The following ARHGAP22 variants were observed in gnomAD, a reference collection of about 807,000 sequenced individuals.
ARHGAP22 encodes rho GTPase-activating protein 22.
In ARHGAP22, 48 loss-of-function variants were observed where a neutral mutation model predicts 59.1. The observed-to-expected ratio is 0.81, with a 90% CI of 0.64 to 1.03. The LOEUF is 1.03. ARHGAP22 is among the 50% of genes least tolerant of loss of function. The pLI is 0.00. For missense variants in ARHGAP22, 1,015 were observed against 958.7 expected, an observed-to-expected ratio of 1.06 and a Z score of -0.78; for synonymous variants, 445 against 416.4, an observed-to-expected ratio of 1.07 and a Z score of -0.84.
At chr10:48,474,675 G>A (rs371551123) in intron 4 of ARHGAP22, among the ~76,000 whole-genome samples, 1 of 119,834 alleles carries the variant, frequency 8.3e-6, no homozygotes, top group Non-Finnish European at 1.8e-5. Flanking sequence ...TCATTAAAGG[G>A]TGCTGGATTT....
chr10:48,450,735 A>C lies in ARHGAP22; in HGVS notation c.1394T>G (p.Leu465Arg), dbSNP rs368691662. The change falls in exon 9 of 10, where the codon CTG becomes CGG. Residue 465 changes from leucine (L) to arginine (R), a missense_variant. Coordinates refer to ENST00000249601, the MANE Select transcript of ARHGAP22 (RefSeq NM_021226.4). ...CCGGCGGTGTCCGCGCAGGGAGGAC[A>C]GCCCGTTCATAAGCCAGTTCCCGCC... ...SSGGNWLMNG[L>R]SSLRGHRRAS... 1 of 1,558,942 alleles carries C rather than the reference A, an allele frequency of 6.4e-7. No individual in the cohort carries two copies. The highest frequency in any genetic ancestry group is 1.4e-5 in the African/African-American group (1 of 73,684).
At chr10:48,454,293 C>T in intron 6 of ARHGAP22, 132 bp from the exon 7 acceptor site, 2 of 754,392 alleles carry the variant, frequency 2.7e-6, no homozygotes, top group Admixed American at 2.0e-5. Flanking sequence ...CCAGAGGGCT[C>T]CACCACCTCC....
chr10:48,606,605 G>T (rs547166374), upstream of ARHGAP22, among the ~76,000 whole-genome samples: 1 of 152,294 alleles, frequency 6.6e-6, no homozygotes, highest in African/African-American at 2.4e-5. Context: ...GTGTGCCCCA[G>T]TGACTTTGCA....
intron 3 of ARHGAP22, among the ~76,000 whole-genome samples, chr10:48,504,767 T>G (rs955160756): frequency 6.6e-6 from 1 of 151,886 alleles, no homozygotes; most frequent in Non-Finnish European, 1.5e-5. Context: ...AAGCAGAGGC[T>G]GGGGCCACAT....
intron 3 of ARHGAP22, among the ~76,000 whole-genome samples, chr10:48,508,944 G>C (rs2052455230): frequency 6.6e-6 from 1 of 152,278 alleles, no homozygotes; most frequent in South Asian, 2.1e-4. Context: ...GGGCAGGGGA[G>C]AGAGATGCAG....
the ARHGAP22 span, chr10:48,430,817 G>C: frequency 4.5e-6 from 1 of 222,420 alleles, no homozygotes; most frequent in African/African-American, 2.3e-5. Flanking sequence ...GGAAATGGAA[G>C]TCAGTAAGAC....
chr10:48,495,939 C>T (rs1433501288), intron 3 of ARHGAP22, among the ~76,000 whole-genome samples: 2 of 152,092 alleles, frequency 1.3e-5, no homozygotes, highest in Non-Finnish European at 2.9e-5. Context: ...CAGCAGCCCT[C>T]AAGGGACTGT....
intron 9 of ARHGAP22, among the ~76,000 whole-genome samples, chr10:48,448,288 C>G (rs1373904206): frequency 6.6e-6 from 1 of 152,198 alleles, no homozygotes. Context: ...CAACCTTCTA[C>G]CCTGAGGCTC....
chr10:48,558,416 G>A (rs1375094913), intron 2 of ARHGAP22, among the ~76,000 whole-genome samples: 1 of 151,746 alleles, frequency 6.6e-6, no homozygotes, highest in Non-Finnish European at 1.5e-5. Context: ...AGGCTGGAGA[G>A]CAGTGTTGCG....
At chr10:48,610,817 C>T (rs1564996395) in intron 1 of ARHGAP22, among the ~76,000 whole-genome samples, 1 of 152,098 alleles carries the variant, frequency 6.6e-6, no homozygotes, top group Non-Finnish European at 1.5e-5. Flanking sequence ...TGGCTTGGAG[C>T]CACCCAAGAA....
intron 3 of ARHGAP22, chr10:48,524,115 C>A: frequency 4.5e-6 from 6 of 1,332,252 alleles, no homozygotes; most frequent in Non-Finnish European, 5.8e-6. Flanking sequence ...GGCAGCCGCC[C>A]GCGGCCCCGC....
At chr10:48,451,880 C>T (rs2045998794) in intron 8 of ARHGAP22, among the ~76,000 whole-genome samples, 1 of 150,926 alleles carries the variant, frequency 6.6e-6, no homozygotes, top group Non-Finnish European at 1.5e-5. Context: ...CACAAGTGAA[C>T]ACACAAATCC....
At chr10:48,650,754 C>T (rs191907793) in intron 1 of ARHGAP22, among the ~76,000 whole-genome samples, 1 of 152,106 alleles carries the variant, frequency 6.6e-6, no homozygotes, top group South Asian at 2.1e-4. Context: ...TCCTTCCAAG[C>T]CAGATAATGC....
intron 3 of ARHGAP22, among the ~76,000 whole-genome samples, chr10:48,501,605 T>C (rs1022707173): frequency 6.6e-6 from 1 of 152,248 alleles, no homozygotes; most frequent in South Asian, 2.1e-4. Context: ...ACATTTTAAA[T>C]GACCCAGCAA....
chr10:48,535,661 T>C (rs1161751013), intron 3 of ARHGAP22, among the ~76,000 whole-genome samples: 1 of 152,194 alleles, frequency 6.6e-6, no homozygotes, highest in African/African-American at 2.4e-5. Flanking sequence ...TGAGGTGCTG[T>C]AAGGGACAGT....
chr10:48,612,584 T>G lies in ARHGAP22; in HGVS notation c.53-29432A>C, dbSNP rs147835742. ...CCCCAGGCTCTTCCTGCAAGAAGAC[T>G]ATACTTGTGCTTCCTGCTTTTAGGC... On this transcript the variant is annotated intron_variant, in intron 1 of 9. Transcript: ENST00000435790. Among the ~76,000 whole-genome samples, 219 of 152,382 alleles carry G rather than the reference T, an allele frequency of 1.4e-3. 1 individual carries two copies. The highest frequency in any genetic ancestry group is 5.1e-3 in the African/African-American group (212 of 41,602).
Position 48,603,280 on chromosome 10 carries a change from C to T in ARHGAP22, c.34+1483G>A, listed in dbSNP as rs868670277. 7.9e-5 allele frequency among the ~76,000 whole-genome samples: 12 copies of T among 152,306 alleles called. 1 individual carries two copies. In the South Asian group the frequency reaches 1.7e-3, roughly 21 times the overall value. The stretch of plus-strand genomic sequence containing the variant: ...TAAGCCCCTTTGCTGAAGCACTGGT[C>T]TCTTACTAGCACTGTCCAATAGAAA... On this transcript the variant is annotated intron_variant, in intron 1 of 9. Coordinates refer to ENST00000249601, the MANE Select transcript of ARHGAP22 (RefSeq NM_021226.4).
intron 8 of ARHGAP22, chr10:48,451,769 A>C: frequency 1.8e-6 from 1 of 569,234 alleles, no homozygotes; most frequent in East Asian, 3.1e-5. Flanking sequence ...AAATCCCCCA[A>C]CACACAATCG....
chr10:48,494,317 T>G (rs1478448922), intron 3 of ARHGAP22, among the ~76,000 whole-genome samples: 1 of 152,170 alleles, frequency 6.6e-6, no homozygotes. Context: ...CTCCCTTGCC[T>G]CTGGGACAAA....
Sources: gnomAD v4.1 joint callset for allele counts (sites outside exome capture counted in the v4.1 genomes callset) on GRCh38, gnomAD v4.1.1 for gene constraint, MANE v1.5 for transcripts, NCBI Gene and HGNC (gene_info 2026-07-23, HGNC 2026-07-21) for gene names.